CDH19: variants seen among roughly 807,000 people sequenced by gnomAD.
CDH19 encodes cadherin 19.
In CDH19, 67 loss-of-function variants were observed where a neutral mutation model predicts 64.2. That is an observed-to-expected ratio of 1.04 (90% CI 0.86 to 1.28). The LOEUF is 1.28. CDH19 is among the 50% of genes most tolerant of loss of function. CDH19 has a pLI of 0.00. For synonymous variants in CDH19, 346 were observed against 319.3 expected, an observed-to-expected ratio of 1.08 and a Z score of -0.89; for missense variants, 1,030 against 929.0, an observed-to-expected ratio of 1.11 and a Z score of -1.41.
chr18:66,572,102 C>T lies in CDH19; in HGVS notation c.103G>A (p.Val35Met). The change falls in exon 2 of 12, where the codon GTG (valine) becomes ATG (methionine). Residue 35 changes from valine to methionine, a missense_variant. Physicochemically the swap from Val to Met is conservative, Grantham distance 21. Coordinates refer to ENST00000262150, the MANE Select transcript of CDH19 (RefSeq NM_021153.4). Reference sequence around the variant, plus strand: ...CGCTTCACTCTCAAATGAGATCGCACTGGCTGCTTGACTTTCTTTGTTTGA... The same window carrying T: ...CGCTTCACTCTCAAATGAGATCGCATTGGCTGCTTGACTTTCTTTGTTTGA... ...NSQTKKVKQP[V>M]RSHLRVKRGW... 1.2e-6 allele frequency: 2 copies of T among 1,611,714 alleles called. No homozygotes were observed. Among genetic ancestry groups the T allele is most frequent in the Non-Finnish European group, 1.7e-6 (2 of 1,178,482 alleles).
chr18:66,526,159 C>T lies in CDH19; in HGVS notation c.1458+3686G>A, dbSNP rs115352049. 2.5e-3 allele frequency among the ~76,000 whole-genome samples: 388 copies of T among 152,184 alleles called. 2 individuals carry two copies. The highest frequency in any genetic ancestry group is 8.9e-3 in the African/African-American group (370 of 41,542). On this transcript the variant is annotated intron_variant, in intron 9 of 11. Transcript: ENST00000262150. ...ATATGGGGTAAAAATCACTATCATT[C>T]TTGGAGACAGACATAAATTTTAATT...
rs1437724036 is a variant in CDH19 at position 66,572,184 on chromosome 18, C to T, written c.21G>A (p.Leu7=). ...GGAGAGGAATTCCCAACATAAAACG[C>T]AGCAGTAAATAACAGTTCATTGCGT... MNCYLL[L]RFMLGIPLLW... Residue 7 remains leucine, a synonymous_variant, in exon 2 of 12, where the codon CTG becomes CTA. Coordinates refer to ENST00000262150, the MANE Select transcript of CDH19 (RefSeq NM_021153.4). 6.2e-7 allele frequency: 1 copy of T among 1,610,842 alleles called. No homozygotes were observed. The highest frequency in any genetic ancestry group is 8.5e-7 in the Non-Finnish European group (1 of 1,177,954).
At chr18:66,545,928 T>C (rs928262319) in intron 5 of CDH19, among the ~76,000 whole-genome samples, 1 of 145,408 alleles carries the variant, frequency 6.9e-6, no homozygotes, top group African/African-American at 2.6e-5. Context: ...TACATAAATA[T>C]AACTACAAAT....
intron 2 of CDH19, among the ~76,000 whole-genome samples, chr18:66,568,998 T>A (rs1988014551): frequency 6.6e-6 from 1 of 151,658 alleles, no homozygotes; most frequent in African/African-American, 2.4e-5. Context: ...ACAACATAGT[T>A]GGTTCAGTTT....
chr18:66,589,030 T>C (rs1988665271), intron 1 of CDH19, among the ~76,000 whole-genome samples: 1 of 151,842 alleles, frequency 6.6e-6, no homozygotes, highest in Non-Finnish European at 1.5e-5. Context: ...TAAGGTAGAC[T>C]GAAAATTTCA....
chr18:66,547,619 G>A (rs1445396831), intron 5 of CDH19, among the ~76,000 whole-genome samples: 1 of 151,618 alleles, frequency 6.6e-6, no homozygotes, highest in African/African-American at 2.4e-5. Flanking sequence ...AGGTTCAGAG[G>A]AGGGGCAGCT....
At chr18:66,579,264 A>C (rs1988355820) in intron 1 of CDH19, among the ~76,000 whole-genome samples, 1 of 152,070 alleles carries the variant, frequency 6.6e-6, no homozygotes, top group African/African-American at 2.4e-5. Context: ...ACCTTTATAA[A>C]GAACATTGCC....
intron 3 of CDH19, among the ~76,000 whole-genome samples, chr18:66,558,055 T>C (rs1185031816): frequency 6.6e-6 from 1 of 151,526 alleles, no homozygotes; most frequent in Non-Finnish European, 1.5e-5. Flanking sequence ...TAGGTATTTT[T>C]CTTCAATAAA....
chr18:66,540,135 G>T (rs528869370), intron 7 of CDH19, among the ~76,000 whole-genome samples: 1 of 151,876 alleles, frequency 6.6e-6, no homozygotes, highest in Non-Finnish European at 1.5e-5. Flanking sequence ...ATAAACTTTA[G>T]CAATATTTTG....
Position 66,572,037 on chromosome 18 carries a change from C to T in CDH19, c.168G>A (p.Met56Ile). The T allele has an allele frequency of 1.2e-6, 2 of 1,610,706 alleles. No homozygotes were observed. The highest frequency in any genetic ancestry group is 2.2e-5 in the South Asian group (2 of 90,958). The change falls in exon 2 of 12, where the codon ATG (methionine) becomes ATA (isoleucine). Residue 56 changes from methionine to isoleucine, a missense_variant. By Grantham distance (10) the Met-to-Ile change is conservative. Coordinates refer to ENST00000262150, the MANE Select transcript of CDH19 (RefSeq NM_021153.4). ...VWNQFFVPEE[M>I]NTTSHHIGQL... ...GGCCGATGTGATGACTAGTCGTATT[C>T]ATTTCCTCTGGTACAAAAAATTGGT...
intron 9 of CDH19, among the ~76,000 whole-genome samples, chr18:66,517,314 G>A (rs1249472037): frequency 1.3e-5 from 2 of 151,746 alleles, no homozygotes; most frequent in East Asian, 3.9e-4. Flanking sequence ...ACAAAATATT[G>A]GTATGAGTGA....
At chr18:66,573,719 T>C (rs943316994) in intron 1 of CDH19, among the ~76,000 whole-genome samples, 2 of 151,634 alleles carry the variant, frequency 1.3e-5, no homozygotes, top group Admixed American at 1.3e-4. Context: ...GGGAACTTTA[T>C]ATTATGGTAT....
chr18:66,595,369 C>T (rs776020757), intron 1 of CDH19, among the ~76,000 whole-genome samples: 2 of 150,632 alleles, frequency 1.3e-5, no homozygotes, highest in Non-Finnish European at 3.0e-5. Flanking sequence ...ATGAAAAACA[C>T]ACATAACATC....
chr18:66,523,797 C>T (rs1986096406), intron 9 of CDH19, among the ~76,000 whole-genome samples: 1 of 151,508 alleles, frequency 6.6e-6, no homozygotes, highest in Admixed American at 6.6e-5. Context: ...GCAAACATGC[C>T]ACGTACTGGA....
rs777819351 is a variant in CDH19, at chr18:66,571,998, A to T, written c.195+12T>A. ...TGTGCTATTTACTGTAACATTTTAA[A>T]TAAATAAGTACCTGGCCGATGTGAT... On this transcript the variant is annotated intron_variant, in intron 2 of 11. Transcript: ENST00000262150. 1 of 1,581,278 alleles carries T rather than the reference A, an allele frequency of 6.3e-7. No homozygotes were observed. The highest frequency in any genetic ancestry group is 1.1e-5 in the South Asian group (1 of 89,018).
chr18:66,566,280 C>CTTT (rs34978720), intron 3 of CDH19, among the ~76,000 whole-genome samples: 44 of 120,778 alleles, frequency 3.6e-4, no homozygotes, highest in Middle Eastern at 4.7e-3. Flanking sequence ...ATGACCCTTT[C>CTTT]TTTTTTTTTT....
intron 1 of CDH19, among the ~76,000 whole-genome samples, chr18:66,588,605 C>CATATATATATATAAAT (rs1263242803): frequency 1.8e-4 from 21 of 116,726 alleles, no homozygotes; most frequent in Non-Finnish European, 2.9e-4. Context: ...TTTTACTAAT[C>CATATATATATATAAAT]ATATATATCT....
chr18:66,577,266 G>C (rs1988292573), intron 1 of CDH19, among the ~76,000 whole-genome samples: 1 of 151,670 alleles, frequency 6.6e-6, no homozygotes, highest in African/African-American at 2.4e-5. Flanking sequence ...CAAAAGCATG[G>C]GGCTTAGAAT....
intron 3 of CDH19, among the ~76,000 whole-genome samples, chr18:66,559,268 T>C (rs1987632731): frequency 6.6e-6 from 1 of 152,012 alleles, no homozygotes. Flanking sequence ...CAACTTACAT[T>C]TGCAATAAAA....
Sources: allele counts gnomAD v4.1 joint callset (sites outside exome capture counted in the v4.1 genomes callset), GRCh38; gene constraint gnomAD v4.1.1; transcripts MANE v1.5; gene names NCBI Gene and HGNC (gene_info 2026-07-23, HGNC 2026-07-21).